The following AUH variants were observed in gnomAD, a reference collection of about 807,000 sequenced individuals.
The protein encoded by AUH is AU RNA binding methylglutaconyl-CoA hydratase, also known as methylglutaconyl-CoA hydratase, mitochondrial.
AUH carries 29 observed loss-of-function variants against 42.3 expected under a neutral mutation model. That is an observed-to-expected ratio of 0.69 (90% CI 0.51 to 0.93). AUH has a LOEUF of 0.93. Ranked by LOEUF, AUH falls within the 40% of genes least tolerant of loss-of-function variation. The probability of loss-of-function intolerance (pLI) is 0.00; values close to 1 mark genes in which losing one functional copy is unlikely to be tolerated. For missense variants in AUH, 452 were observed against 438.1 expected (o/e 1.03, Z -0.28); for synonymous variants, 174 against 166.4 (o/e 1.05, Z -0.35).
chr9:91,271,039 T>C (rs961042631), intron 6 of AUH, among the ~76,000 whole-genome samples: 3 of 152,224 alleles, frequency 2.0e-5, no homozygotes, highest in Admixed American at 1.3e-4. Context: ...TAAATTTTTA[T>C]TAGAAACATG....
intron 4 of AUH, among the ~76,000 whole-genome samples, chr9:91,323,714 G>A (rs1387768267): frequency 1.3e-5 from 2 of 151,464 alleles, no homozygotes; most frequent in African/African-American, 4.9e-5. Context: ...AGGAATAAAT[G>A]CTATAAAATA....
intron 6 of AUH, 69 bp downstream of exon 6, chr9:91,295,952 G>A (rs374706560): frequency 4.8e-4 from 742 of 1,543,066 alleles, no homozygotes; most frequent in Non-Finnish European, 6.0e-4. Context: ...CAATTAACAT[G>A]ATTTTGCCTT....
intron 6 of AUH, among the ~76,000 whole-genome samples, chr9:91,239,736 AAC>A (rs199666221): frequency 0.072 from 11,008 of 152,180 alleles, 684 homozygotes; most frequent in East Asian, 0.25. Context: ...AAGCAATGAA[AAC>A]ACACACGCAC....
intron 6 of AUH, among the ~76,000 whole-genome samples, chr9:91,276,662 CT>C (rs1825569319): frequency 6.6e-6 from 1 of 152,048 alleles, no homozygotes; most frequent in Admixed American, 6.5e-5. Flanking sequence ...AAACACTAAA[CT>C]TTTTTTAAAA....
chr9:91,260,798 G>C (rs1829668352), intron 6 of AUH, among the ~76,000 whole-genome samples: 1 of 152,150 alleles, frequency 6.6e-6, no homozygotes, highest in African/African-American at 2.4e-5. Context: ...CTGAGGCTCT[G>C]TTCGTTATAG....
At chr9:91,254,160 T>A (rs1208318089) in intron 6 of AUH, among the ~76,000 whole-genome samples, 1 of 152,202 alleles carries the variant, frequency 6.6e-6, no homozygotes, top group Admixed American at 6.5e-5. Flanking sequence ...AGACTGCACA[T>A]CTGTGAAGAA....
At chr9:91,276,300 G>A (rs138962970) in intron 6 of AUH, among the ~76,000 whole-genome samples, 21 of 151,834 alleles carry the variant, frequency 1.4e-4, no homozygotes, top group Non-Finnish European at 2.8e-4. Flanking sequence ...GTGTGGTGGC[G>A]GACGCCTGTA....
intron 3 of AUH, among the ~76,000 whole-genome samples, chr9:91,352,093 G>A (rs1245160842): frequency 6.6e-6 from 1 of 152,014 alleles, no homozygotes; most frequent in Non-Finnish European, 1.5e-5. Context: ...TGGGCAACAT[G>A]GTAAAAACCC....
chr9:91,357,109 T>A (rs1832472353), intron 1 of AUH, among the ~76,000 whole-genome samples: 2 of 152,226 alleles, frequency 1.3e-5, no homozygotes, highest in South Asian at 4.1e-4. Context: ...ATGCTCTCAG[T>A]ACAGAGAAAA....
At chr9:91,236,991 T>C (rs1396487615) in intron 6 of AUH, among the ~76,000 whole-genome samples, 3 of 152,186 alleles carry the variant, frequency 2.0e-5, no homozygotes, top group Non-Finnish European at 2.9e-5. Context: ...ACATAATATT[T>C]AGCATTTTAA....
intron 6 of AUH, among the ~76,000 whole-genome samples, chr9:91,286,918 G>C (rs998815310): frequency 6.6e-6 from 1 of 151,944 alleles, no homozygotes; most frequent in East Asian, 1.9e-4. Flanking sequence ...AAATTGCTAA[G>C]AGTAGATCTT....
chr9:91,293,371 T>C (rs541810311), intron 6 of AUH, among the ~76,000 whole-genome samples: 15 of 152,338 alleles, frequency 9.8e-5, no homozygotes, highest in Non-Finnish European at 1.6e-4. Flanking sequence ...CAACGTTTCT[T>C]GAAGGTAATT....
At chr9:91,245,510 A>G (rs1035850658) in intron 6 of AUH, among the ~76,000 whole-genome samples, 4 of 152,186 alleles carry the variant, frequency 2.6e-5, no homozygotes, top group African/African-American at 9.7e-5. Flanking sequence ...ATCACCCCCA[A>G]CAATTAAGCA....
At chr9:91,342,529 A>C (rs1370750585) in intron 3 of AUH, among the ~76,000 whole-genome samples, 1 of 152,192 alleles carries the variant, frequency 6.6e-6, no homozygotes, top group Non-Finnish European at 1.5e-5. Flanking sequence ...AACTTTTTTA[A>C]GATCACTTGG....
intron 6 of AUH, among the ~76,000 whole-genome samples, chr9:91,294,331 T>C (rs1165581322): frequency 6.6e-6 from 1 of 152,158 alleles, no homozygotes; most frequent in African/African-American, 2.4e-5. Flanking sequence ...AGGCAGATCA[T>C]GAGGTCAAGA....
intron 6 of AUH, among the ~76,000 whole-genome samples, chr9:91,284,602 C>CT (rs1564064167): frequency 6.6e-6 from 1 of 152,018 alleles, no homozygotes; most frequent in African/African-American, 2.4e-5. Flanking sequence ...ACAATGAACT[C>CT]AAATAAACTT....
At chr9:91,312,245 C>T (rs369341766) in intron 4 of AUH, among the ~76,000 whole-genome samples, 1 of 152,144 alleles carries the variant, frequency 6.6e-6, no homozygotes, top group African/African-American at 2.4e-5. Context: ...CAGGAAATCA[C>T]GGTTGCCAAA....
intron 6 of AUH, among the ~76,000 whole-genome samples, chr9:91,246,480 C>T (rs766333865): frequency 1.5e-4 from 23 of 152,122 alleles, no homozygotes; most frequent in Non-Finnish European, 3.4e-4. Flanking sequence ...GAAGTGCTTA[C>T]TATGAAATAA....
At chr9:91,266,471 C>T (rs1829985757) in intron 6 of AUH, among the ~76,000 whole-genome samples, 1 of 152,140 alleles carries the variant, frequency 6.6e-6, no homozygotes, top group South Asian at 2.1e-4. Context: ...TACTTGATGG[C>T]CAACCTTCAA....
Sources: allele counts gnomAD v4.1 joint callset (sites outside exome capture counted in the v4.1 genomes callset), GRCh38; gene constraint gnomAD v4.1.1; transcripts MANE v1.5; gene names NCBI Gene and HGNC (gene_info 2026-07-23, HGNC 2026-07-21).